Variants in PF4 observed in about 807,000 individuals in gnomAD.
PF4 encodes platelet factor 4, also known as C-X-C motif chemokine 4.
Under a neutral mutation model 6.9 loss-of-function variants are expected in PF4, and 8 were observed. That is an observed-to-expected ratio of 1.16 (90% confidence interval 0.68 to 2.09). PF4 has a LOEUF of 2.09. Ranked by LOEUF, PF4 falls within the 30% of genes most tolerant of loss-of-function variation. The pLI is 0.00. For synonymous variants in PF4, 55 were observed against 56.5 expected (o/e 0.97, Z 0.12); for missense variants, 111 against 122.9 (o/e 0.90, Z 0.46).
rs1351945265 is a variant in PF4, at chr4:73,981,852, T to C, written c.91+11A>G. ...CGCTGCCAGCCCTCACAGCCTGGCT[T>C]CTGCTCTCACCGCTGGCGAAGGCGA... is the stretch of plus-strand genomic sequence containing the variant. On this transcript the variant is annotated intron_variant, in intron 1 of 2. Coordinates refer to ENST00000296029, the MANE Select transcript of PF4 (RefSeq NM_002619.4). The C allele has an allele frequency of 4.5e-6, 7 of 1,550,968 alleles. No homozygotes were observed. The highest frequency in any genetic ancestry group is 6.1e-6 in the Non-Finnish European group (7 of 1,146,824).
At position 73,981,870 on chromosome 4, in the gene PF4, G is replaced by T; in HGVS notation, c.84C>A (p.Phe28Leu). 1.3e-6 allele frequency: 2 copies of T among 1,551,210 alleles called. No individual in the cohort carries two copies. The highest frequency in any genetic ancestry group is 1.7e-6 in the Non-Finnish European group (2 of 1,146,898). ...CCTGGCTTCTGCTCTCACCGCTGGC[G>T]AAGGCGACCACAAGTGGCAGGAGCA... ...GLLLLPLVVA[F>L]ASAEAEEDGD... Residue 28 changes from phenylalanine to leucine, a missense_variant, in exon 1 of 3, where the codon TTC (phenylalanine) becomes TTA (leucine). Coordinates refer to ENST00000296029, the MANE Select transcript of PF4 (RefSeq NM_002619.4).
chr4:73,981,492 G>T lies in PF4; in HGVS notation c.143C>A (p.Ser48Tyr), dbSNP rs1325290254. ...DLQCLCVKTT[S>Y]QVRPRHITSL... ...GGTGATGTGCCTGGGACGGACCTGG[G>T]AGGTGGTCTTCACACACAGGCACTG... Residue 48 changes from serine (S) to tyrosine (Y), a missense_variant, in exon 2 of 3, where the codon TCC (serine) becomes TAC (tyrosine). By Grantham distance (144) the Ser-to-Tyr change is moderately radical. Coordinates refer to ENST00000296029, the MANE Select transcript of PF4 (RefSeq NM_002619.4). The T allele has an allele frequency of 1.2e-6, 2 of 1,614,160 alleles. No homozygotes were observed.
rs534287142 is a variant in PF4 at position 73,981,717 on chromosome 4, G to A, written c.91+146C>T. The A allele has an allele frequency of 1.0e-5, 15 of 1,473,788 alleles. No homozygotes were observed. The African/African-American group carries it at 2.1e-4, about 21-fold the overall frequency. 91.3% of individuals were successfully genotyped at this position (1,473,788 alleles called of 1,614,324 possible). ...TAACCAGGTGGGAGGTGCAGGTGCA[G>A]CGCCTGGCACTGTGGCCAGACACTC... On this transcript the variant is annotated intron_variant, in intron 1 of 2. Coordinates refer to ENST00000296029, the MANE Select transcript of PF4 (RefSeq NM_002619.4).
Position 73,981,237 on chromosome 4 carries a change from G to T in PF4, c.273C>A (p.Tyr91Ter), listed in dbSNP as rs1208002523. The change falls in exon 3 of 3, where the codon TAC becomes TAA. Residue 91 changes from tyrosine to a stop codon, truncating the protein, a stop_gained. Coordinates refer to ENST00000296029, the MANE Select transcript of PF4 (RefSeq NM_002619.4). LOFTEE classifies it high-confidence loss of function. ...KICLDLQAPLYKKIIKKLLES is the reference protein window; with the variant it reads ...KICLDLQAPL The stretch of plus-strand genomic sequence containing the variant: ...CCAAAAGTTTCTTAATTATTTTCTT[G>T]TACAGCGGGGCTTGCAGGTCCAAGC... 6 of 1,614,052 alleles carry T rather than the reference G, an allele frequency of 3.7e-6. No individual in the cohort carries two copies. The highest frequency in any genetic ancestry group is 4.2e-6 in the Non-Finnish European group (5 of 1,179,998).
chr4:73,981,572 G>A, intron 1 of PF4, 29 bp from the exon 2 acceptor site: 1 of 1,599,256 alleles, frequency 6.3e-7, no homozygotes, highest in Middle Eastern at 1.7e-4. Context: ...GGGTAAGAGA[G>A]GAGGAGGGGA....
chr4:73,982,044 C>T (rs774022989), upstream of PF4: 4 of 1,073,926 alleles, frequency 3.7e-6, no homozygotes, highest in Admixed American at 2.3e-5. Context: ...TGAGCCTCGC[C>T]GGCACGTTTT....
At position 73,981,517 on chromosome 4, in the gene PF4, G is replaced by A. The variant is rs371761255; in HGVS notation, c.118C>T (p.Gln40Ter). Reference protein sequence around the residue: ...SAEAEEDGDLQCLCVKTTSQV... With the variant: ...SAEAEEDGDL Reference sequence around the variant, plus strand: ...GAGGTGGTCTTCACACACAGGCACTGCAGGTCCCCATCTTCTTCAGCTTCA... The same window carrying A: ...GAGGTGGTCTTCACACACAGGCACTACAGGTCCCCATCTTCTTCAGCTTCA... The change falls in exon 2 of 3, where the codon CAG becomes TAG. Residue 40 changes from glutamine to a stop codon, truncating the protein, a stop_gained. Transcript: ENST00000296029. LOFTEE classifies it high-confidence loss of function. The A allele has an allele frequency of 6.7e-5, 108 of 1,613,788 alleles. No homozygotes were observed. The highest frequency in any genetic ancestry group is 8.7e-5 in the Non-Finnish European group (103 of 1,179,912).
Position 73,981,457 on chromosome 4 carries a change from C to T in PF4, c.178G>A (p.Val60Met). 1 of 1,614,184 alleles carries T rather than the reference C, an allele frequency of 6.2e-7. No homozygotes were observed. The highest frequency in any genetic ancestry group is 8.5e-7 in the Non-Finnish European group (1 of 1,180,022). ...VRPRHITSLEVIKAGPHCPTA... is the reference protein window; with the variant it reads ...VRPRHITSLEMIKAGPHCPTA... ...GGGCAGTGGGGTCCGGCCTTGATCA[C>T]CTCCAGGCTGGTGATGTGCCTGGGA... Residue 60 changes from valine to methionine, a missense_variant, in exon 2 of 3, where the codon GTG becomes ATG. Physicochemically the swap from Val to Met is conservative, Grantham distance 21 (BLOSUM62 1). Coordinates refer to ENST00000296029, the MANE Select transcript of PF4 (RefSeq NM_002619.4).
chr4:73,981,894 C>A lies in PF4; in HGVS notation c.60G>T (p.Leu20=). 1.3e-6 allele frequency: 2 copies of A among 1,551,274 alleles called. No individual in the cohort carries two copies. Among genetic ancestry groups the A allele is most frequent in the Non-Finnish European group, 1.7e-6 (2 of 1,146,912 alleles). ...CGAAGGCGACCACAAGTGGCAGGAG[C>A]AGCAACCCCAGGAACAGCAGCCCGG... ...SRPGLLFLGL[L]LLPLVVAFAS... The change falls in exon 1 of 3, where the codon CTG becomes CTT. Residue 20 remains leucine, a synonymous_variant. Transcript: ENST00000296029.
rs1289384861 is a variant in PF4, at chr4:73,981,000, T to A, written c.*204A>T. On this transcript the variant is annotated 3_prime_UTR_variant, in exon 3 of 3. Coordinates refer to ENST00000296029, the MANE Select transcript of PF4 (RefSeq NM_002619.4). The stretch of plus-strand genomic sequence containing the variant: ...ACTTTTTGCTTAAAATACCGGAATT[T>A]TTTTCTTCCATGAAATTGTTATGTG... The A allele has an allele frequency of 5.4e-6, 3 of 555,664 alleles. No homozygotes were observed. The highest frequency in any genetic ancestry group is 3.2e-5 in the Admixed American group (1 of 31,250). 34.4% of individuals were successfully genotyped at this position (555,664 alleles called of 1,614,324 possible). A position where few individuals can be genotyped will look rare whatever the true frequency, so the allele number is the denominator to read the frequency against.
rs142397385 is a variant in PF4 at position 73,981,286 on chromosome 4, G to A, written c.224C>T (p.Thr75Met). 3.1e-6 allele frequency: 5 copies of A among 1,614,000 alleles called. No individual in the cohort carries two copies. Among genetic ancestry groups the A allele is most frequent in the South Asian group, 1.1e-5 (1 of 91,084 alleles). ...GCAAATTTTCCTTCCATTCTTCAGC[G>A]TGGCTCTGGCAGGGAAAAGAGAAGA... ...PHCPTAQLIA[T>M]LKNGRKICLD... Residue 75 changes from threonine to methionine, a missense_variant, in exon 3 of 3, where the codon ACG becomes ATG. Physicochemically the swap from Thr to Met is moderately conservative, Grantham distance 81. Coordinates refer to ENST00000296029, the MANE Select transcript of PF4 (RefSeq NM_002619.4).
Position 73,981,508 on chromosome 4 carries a change from A to G in PF4, c.127T>C (p.Cys43Arg), listed in dbSNP as rs781299844. Residue 43 changes from cysteine to arginine, a missense_variant, in exon 2 of 3, where the codon TGT becomes CGT. Coordinates refer to ENST00000296029, the MANE Select transcript of PF4 (RefSeq NM_002619.4). ...CGGACCTGGGAGGTGGTCTTCACACACAGGCACTGCAGGTCCCCATCTTCT... is the reference window on the plus strand; with the variant it reads ...CGGACCTGGGAGGTGGTCTTCACACGCAGGCACTGCAGGTCCCCATCTTCT... ...AEEDGDLQCL[C>R]VKTTSQVRPR... The G allele has an allele frequency of 6.2e-7, 1 of 1,613,886 alleles. No homozygotes were observed. Among genetic ancestry groups the G allele is most frequent in the Non-Finnish European group, 8.5e-7 (1 of 1,179,972 alleles).
In PF4 at chr4:73,981,237, G is replaced by C; in HGVS notation, c.273C>G (p.Tyr91Ter). The change falls in exon 3 of 3, where the codon TAC becomes TAG. Residue 91 changes from tyrosine to a stop codon, truncating the protein, a stop_gained. Transcript: ENST00000296029. LOFTEE classifies it high-confidence loss of function. ...CCAAAAGTTTCTTAATTATTTTCTT[G>C]TACAGCGGGGCTTGCAGGTCCAAGC... is the stretch of plus-strand genomic sequence containing the variant. ...KICLDLQAPL[Y>*]KKIIKKLLES is the part of the protein sequence containing the mutation. 6.2e-7 allele frequency: 1 copy of C among 1,614,170 alleles called. No individual in the cohort carries two copies. The highest frequency in any genetic ancestry group is 8.5e-7 in the Non-Finnish European group (1 of 1,179,990).
At position 73,981,896 on chromosome 4, in the gene PF4, G is replaced by A. The variant is rs1187985731; in HGVS notation, c.58C>T (p.Leu20=). Residue 20 remains leucine, a synonymous_variant, in exon 1 of 3, where the codon CTG becomes TTG. Coordinates refer to ENST00000296029, the MANE Select transcript of PF4 (RefSeq NM_002619.4). ...SRPGLLFLGL[L]LLPLVVAFAS... The stretch of plus-strand genomic sequence containing the variant: ...AAGGCGACCACAAGTGGCAGGAGCA[G>A]CAACCCCAGGAACAGCAGCCCGGGG... 3 of 1,551,300 alleles carry A rather than the reference G, an allele frequency of 1.9e-6. No homozygotes were observed. The highest frequency in any genetic ancestry group is 2.6e-6 in the Non-Finnish European group (3 of 1,146,936).
rs758089839 is a variant in PF4 at position 73,981,993 on chromosome 4, C to G, written c.-40G>C. 1 of 1,497,342 alleles carries G rather than the reference C, an allele frequency of 6.7e-7. No individual in the cohort carries two copies. Among genetic ancestry groups the G allele is most frequent in the African/African-American group, 1.4e-5 (1 of 71,802 alleles). 92.8% of individuals were successfully genotyped at this position (1,497,342 alleles called of 1,614,324 possible). On this transcript the variant is annotated 5_prime_UTR_variant, in exon 1 of 3. Transcript: ENST00000296029. ...TCCAGCAGGATCTCAGTGCTCAGTG[C>G]GATGGGAAACTCGGGCTGGGTCTCT...
At chr4:73,982,034 TGA>T (rs1718818168), upstream of PF4, 24 of 1,182,642 alleles carry the variant, frequency 2.0e-5, no homozygotes, top group Non-Finnish European at 2.5e-5. Context: ...CAATGACTCC[TGA>T]GCCTCGCCGG....
Position 73,981,941 on chromosome 4 carries a change from C to T in PF4, c.13G>A (p.Ala5Thr), listed in dbSNP as rs1718813846. The T allele has an allele frequency of 6.4e-7, 1 of 1,550,932 alleles. No individual in the cohort carries two copies. Among genetic ancestry groups the T allele is most frequent in the Non-Finnish European group, 8.7e-7 (1 of 1,146,840 alleles). MSSA[A>T]GFCASRPGLL... ...CCGGGGCGTGAGGCGCAGAACCCGG[C>T]TGCGGAGCTCATGCTGCGGCAGAGC... The change falls in exon 1 of 3, where the codon GCC (alanine) becomes ACC (threonine). Residue 5 changes from alanine to threonine, a missense_variant. Coordinates refer to ENST00000296029, the MANE Select transcript of PF4 (RefSeq NM_002619.4).
Position 73,981,081 on chromosome 4 carries a change from T to C in PF4, c.*123A>G, listed in dbSNP as rs1718769147. 1 of 716,474 alleles carries C rather than the reference T, an allele frequency of 1.4e-6. No homozygotes were observed. The highest frequency in any genetic ancestry group is 1.8e-5 in the African/African-American group (1 of 55,876). The allele number at this position is 716,474 out of a possible 1,614,324, so 44.4% of individuals were successfully genotyped here. On this transcript the variant is annotated 3_prime_UTR_variant, in exon 3 of 3. Transcript: ENST00000296029. ...GTATTTTGACTATACTACAACTTGA[T>C]TTATTTTGTTTATTTAAAATCATAA...
At position 73,981,175 on chromosome 4, in the gene PF4, G is replaced by A. The variant is rs983604064; in HGVS notation, c.*29C>T. On this transcript the variant is annotated 3_prime_UTR_variant, in exon 3 of 3. Transcript: ENST00000296029. ...CTGGAAAAAAGAAGTATGCTATATA[G>A]CAAATGCACACACGTAGGCAGCTAG... is the stretch of plus-strand genomic sequence containing the variant. The A allele has an allele frequency of 1.1e-5, 16 of 1,477,006 alleles. No individual in the cohort carries two copies. The highest frequency in any genetic ancestry group is 1.4e-5 in the Non-Finnish European group (15 of 1,055,002). The allele number at this position is 1,477,006 out of a possible 1,614,324, so 91.5% of individuals were successfully genotyped here. A position where few individuals can be genotyped will look rare whatever the true frequency, so the allele number is the denominator to read the frequency against.
Sources: gnomAD v4.1 joint callset for allele counts on GRCh38, gnomAD v4.1.1 for gene constraint, MANE v1.5 for transcripts, NCBI Gene and HGNC (gene_info 2026-07-23, HGNC 2026-07-21) for gene names.